DNER: variants seen among roughly 807,000 people sequenced by gnomAD.
DNER encodes the protein delta/notch like EGF repeat containing.
A neutral mutation model predicts 78.2 loss-of-function variants in DNER; 33 were observed. The observed-to-expected ratio is 0.42, with a 90% CI of 0.32 to 0.56. The LOEUF is 0.56. DNER is among the 20% of genes least tolerant of loss of function. The pLI is 0.11. For missense variants in DNER, 918 were observed against 975.3 expected, an observed-to-expected ratio of 0.94 and a Z score of 0.78; for synonymous variants, 417 against 384.8, an observed-to-expected ratio of 1.08 and a Z score of -0.98.
chr2:229,614,031 TG>T lies in DNER; in HGVS notation c.277-22144del, dbSNP rs757661639. 7.2e-4 allele frequency among the ~76,000 whole-genome samples: 33 copies of T among 45,676 alleles called. No individual in the cohort carries two copies. The East Asian group carries it at 0.01, about 14-fold the overall frequency. The allele number at this position is 45,676 out of a possible 152,430, so 30.0% of individuals were successfully genotyped here. A position where few individuals can be genotyped will look rare whatever the true frequency, so the allele number is the denominator to read the frequency against. ...TCACACTCCGGGGCCTGTTGTGGGG[TG>T]GGGGGGAGCGGGGAGGGATAGCATT... On this transcript the variant is annotated intron_variant, in intron 1 of 12. Transcript: ENST00000341772.
chr2:229,688,264 C>T (rs1334092663), intron 1 of DNER, among the ~76,000 whole-genome samples: 2 of 152,220 alleles, frequency 1.3e-5, no homozygotes, highest in Non-Finnish European at 2.9e-5. Flanking sequence ...CTCTGGCACT[C>T]AATCCTGCCT....
Position 229,626,077 on chromosome 2 carries a change from G to A in DNER, c.277-34189C>T, listed in dbSNP as rs796322177. Among the ~76,000 whole-genome samples, 6 of 152,194 alleles carry A rather than the reference G, an allele frequency of 3.9e-5. 1 individual carries two copies. Among genetic ancestry groups the A allele is most frequent in the African/African-American group, 1.4e-4 (6 of 41,522 alleles). ...TGGGATTACAGGCACCCACAACAGTGCCTGGCTAATTTTTTGTATTTTTAG... is the reference window on the plus strand; with the variant it reads ...TGGGATTACAGGCACCCACAACAGTACCTGGCTAATTTTTTGTATTTTTAG... On this transcript the variant is annotated intron_variant, in intron 1 of 12. Coordinates refer to ENST00000341772, the MANE Select transcript of DNER (RefSeq NM_139072.4).
At chr2:229,524,550 G>GAAATC (rs1206594223) in intron 5 of DNER, among the ~76,000 whole-genome samples, 4 of 152,312 alleles carry the variant, frequency 2.6e-5, no homozygotes, top group South Asian at 2.1e-4. Flanking sequence ...GTGAGGCAAT[G>GAAATC]AAATCAAATC....
chr2:229,542,988 T>G (rs1408192907), intron 5 of DNER, among the ~76,000 whole-genome samples: 1 of 152,034 alleles, frequency 6.6e-6, no homozygotes, highest in Non-Finnish European at 1.5e-5. Context: ...ACAGTTTCCT[T>G]AAATTCACTG....
At chr2:229,407,687 G>T (rs1693417761) in intron 9 of DNER, among the ~76,000 whole-genome samples, 1 of 152,130 alleles carries the variant, frequency 6.6e-6, no homozygotes, top group South Asian at 2.1e-4. Flanking sequence ...AAAAGAAACA[G>T]AAAATATCTA....
intron 1 of DNER, among the ~76,000 whole-genome samples, chr2:229,634,724 T>C (rs1698498610): frequency 6.6e-6 from 1 of 152,158 alleles, no homozygotes; most frequent in South Asian, 2.1e-4. Flanking sequence ...CTGGTGGCTT[T>C]ACAAGGCTGC....
intron 1 of DNER, among the ~76,000 whole-genome samples, chr2:229,712,942 T>C (rs1699931913): frequency 6.6e-6 from 1 of 152,202 alleles, no homozygotes; most frequent in Non-Finnish European, 1.5e-5. Context: ...GCTGTCAAGG[T>C]CAAGTTTCTC....
intron 4 of DNER, among the ~76,000 whole-genome samples, chr2:229,579,981 C>T (rs560716473): frequency 2.2e-4 from 33 of 152,234 alleles, no homozygotes; most frequent in African/African-American, 7.2e-4. Flanking sequence ...CTTATTCCTC[C>T]TTGTACCTCC....
At chr2:229,387,173 G>T (rs1001465404) in intron 11 of DNER, among the ~76,000 whole-genome samples, 7 of 152,090 alleles carry the variant, frequency 4.6e-5, no homozygotes, top group African/African-American at 9.7e-5. Context: ...CCTGTCCTTT[G>T]CAGGGACATG....
At chr2:229,379,193 G>C (rs888931231) in intron 11 of DNER, among the ~76,000 whole-genome samples, 1 of 152,178 alleles carries the variant, frequency 6.6e-6, no homozygotes, top group African/African-American at 2.4e-5. Context: ...ATTGCTGAAG[G>C]TTAATCCTTC....
intron 7 of DNER, among the ~76,000 whole-genome samples, chr2:229,454,833 T>C: frequency 6.6e-6 from 1 of 152,102 alleles, no homozygotes; most frequent in East Asian, 1.9e-4. Context: ...TATCTCAGTA[T>C]ATACTGAGGA....
At chr2:229,455,093 C>T (rs1190363482) in intron 7 of DNER, among the ~76,000 whole-genome samples, 3 of 152,034 alleles carry the variant, frequency 2.0e-5, no homozygotes, top group Non-Finnish European at 2.9e-5. Flanking sequence ...ATTGCTTTAA[C>T]GAGTAAATTC....
intron 9 of DNER, among the ~76,000 whole-genome samples, chr2:229,414,716 G>T (rs1693606808): frequency 6.6e-6 from 1 of 152,144 alleles, no homozygotes. Context: ...GACCCCTAGG[G>T]AGTCACACCC....
intron 1 of DNER, among the ~76,000 whole-genome samples, chr2:229,680,389 CATTCTTATTGGTG>C (rs1699365604): frequency 6.6e-6 from 1 of 152,166 alleles, no homozygotes; most frequent in Admixed American, 6.6e-5. Context: ...CCATGGATCT[CATTCTTATTGGTG>C]ATTCTTATGT....
At chr2:229,391,339 A>AAT (rs1464826559) in intron 10 of DNER, among the ~76,000 whole-genome samples, 1 of 152,178 alleles carries the variant, frequency 6.6e-6, no homozygotes, top group African/African-American at 2.4e-5. Flanking sequence ...GTTAACTAAT[A>AAT]AATCTTTAAG....
intron 6 of DNER, among the ~76,000 whole-genome samples, chr2:229,478,046 C>T (rs1161187149): frequency 1.3e-5 from 2 of 151,986 alleles, no homozygotes; most frequent in East Asian, 1.9e-4. Context: ...AAATAAAATG[C>T]TAATAAATTT....
intron 1 of DNER, among the ~76,000 whole-genome samples, chr2:229,621,604 C>T (rs1332560357): frequency 4.0e-5 from 6 of 150,552 alleles, no homozygotes; most frequent in African/African-American, 1.5e-4. Flanking sequence ...GCCTCTTGAG[C>T]TCAGAAAGCC....
intron 1 of DNER, among the ~76,000 whole-genome samples, chr2:229,646,321 G>A (rs975029403): frequency 5.3e-5 from 8 of 152,134 alleles, no homozygotes; most frequent in African/African-American, 1.4e-4. Flanking sequence ...TAATAAAATC[G>A]CCAAAAAACG....
At chr2:229,411,850 G>T (rs1206958706) in intron 9 of DNER, among the ~76,000 whole-genome samples, 1 of 151,772 alleles carries the variant, frequency 6.6e-6, no homozygotes, top group Non-Finnish European at 1.5e-5. Flanking sequence ...TAAAATTGTA[G>T]GTATACTCAA....
Sources: gnomAD v4.1 joint callset for allele counts (sites outside exome capture counted in the v4.1 genomes callset) on GRCh38, gnomAD v4.1.1 for gene constraint, MANE v1.5 for transcripts, NCBI Gene and HGNC (gene_info 2026-07-23, HGNC 2026-07-21) for gene names.